LMO7: variants seen among roughly 807,000 people sequenced by gnomAD.
LMO7 encodes the protein LIM domain 7.
A neutral mutation model predicts 206.5 loss-of-function variants in LMO7; 120 were observed. That is an observed-to-expected ratio of 0.58 (90% CI 0.50 to 0.68). The LOEUF (loss-of-function observed/expected upper bound fraction) is 0.68. LMO7 is among the 30% of genes least tolerant of loss of function. The pLI is 0.00. For synonymous variants in LMO7, 706 were observed against 681.5 expected (o/e 1.04, Z -0.56); for missense variants, 1,959 against 1,957.9 (o/e 1.00, Z -0.01).
chr13:75,727,822 G>C (rs1465979080), intron 3 of LMO7, among the ~76,000 whole-genome samples: 2 of 137,292 alleles, frequency 1.5e-5, no homozygotes, highest in African/African-American at 5.5e-5. Flanking sequence ...TCCCCTTCCT[G>C]TGTCCATGTG....
intron 27 of LMO7, among the ~76,000 whole-genome samples, chr13:75,850,127 A>C (rs1433335151): frequency 6.6e-6 from 1 of 152,196 alleles, no homozygotes; most frequent in Non-Finnish European, 1.5e-5. Context: ...ATAAAAAAAG[A>C]AAAAAGACAA....
At chr13:75,851,841 G>T (rs1326930647) in intron 27 of LMO7, among the ~76,000 whole-genome samples, 1 of 152,028 alleles carries the variant, frequency 6.6e-6, no homozygotes, top group Non-Finnish European at 1.5e-5. Flanking sequence ...AGGGATTCAG[G>T]TGCTACATAA....
chr13:75,748,257 A>G (rs931460895), intron 3 of LMO7, among the ~76,000 whole-genome samples: 13 of 152,206 alleles, frequency 8.5e-5, no homozygotes, highest in African/African-American at 2.9e-4. Context: ...GTGTTGTTTT[A>G]AGCAACTTAA....
intron 25 of LMO7, among the ~76,000 whole-genome samples, chr13:75,844,440 C>G (rs138909465): frequency 6.7e-6 from 1 of 148,202 alleles, no homozygotes; most frequent in South Asian, 2.1e-4. Flanking sequence ...GACGTAGTCT[C>G]GCTCTGTCGC....
chr13:75,781,409 A>C (rs1460504665), intron 4 of LMO7, among the ~76,000 whole-genome samples: 2 of 149,956 alleles, frequency 1.3e-5, no homozygotes, highest in Non-Finnish European at 3.0e-5. Context: ...TAGTTTACTG[A>C]GAATGATGAT....
chr13:75,640,104 A>G (rs543374129), intron 1 of LMO7, among the ~76,000 whole-genome samples: 1 of 914 alleles, frequency 1.1e-3, no homozygotes, highest in Admixed American at 0.011. Context: ...ATCAACAGAT[A>G]TTAAGACACT....
intron 6 of LMO7, among the ~76,000 whole-genome samples, chr13:75,797,150 G>A (rs79202344): frequency 0.01 from 1,541 of 152,266 alleles, 26 homozygotes; most frequent in East Asian, 0.068. Context: ...CAATTTCTTT[G>A]TAGTAATATG....
At position 75,859,394 on chromosome 13, in the gene LMO7, T is replaced by C. The variant is rs2061155501; in HGVS notation, c.*1451T>C. ...ACTCTGTGTTTGAATTCATTCTGCATATAATTATTTATAAGTATAGATTGT... is the reference window on the plus strand; with the variant it reads ...ACTCTGTGTTTGAATTCATTCTGCACATAATTATTTATAAGTATAGATTGT... On this transcript the variant is annotated 3_prime_UTR_variant, in exon 31 of 31. Coordinates refer to ENST00000377534, the MANE Select transcript of LMO7 (RefSeq NM_001306080.2). 1 of 152,216 alleles carries C rather than the reference T, an allele frequency of 6.6e-6. No homozygotes were observed. The highest frequency in any genetic ancestry group is 1.5e-5 in the Non-Finnish European group (1 of 68,034). 9.4% of individuals were successfully genotyped at this position (152,216 alleles called of 1,614,324 possible). A position where few individuals can be genotyped will look rare whatever the true frequency, so the allele number is the denominator to read the frequency against.
At chr13:75,782,375 CAATAT>C (rs1214559463) in intron 4 of LMO7, among the ~76,000 whole-genome samples, 2 of 152,280 alleles carry the variant, frequency 1.3e-5, no homozygotes, top group East Asian at 3.9e-4. Context: ...TGAATTATAA[CAATAT>C]AATAAAGGTG....
intron 2 of LMO7, among the ~76,000 whole-genome samples, chr13:75,726,732 G>A (rs1266163215): frequency 2.6e-5 from 4 of 152,210 alleles, no homozygotes; most frequent in Non-Finnish European, 5.9e-5. Flanking sequence ...GAAGCAGAAC[G>A]AAATATTACT....
chr13:75,711,351 T>C (rs998359088), intron 1 of LMO7, among the ~76,000 whole-genome samples: 5 of 152,226 alleles, frequency 3.3e-5, no homozygotes, highest in Non-Finnish European at 4.4e-5. Context: ...TTTCTATTGA[T>C]TAGAATAGTT....
chr13:75,793,757 C>T (rs984878494), intron 4 of LMO7, among the ~76,000 whole-genome samples: 7 of 152,170 alleles, frequency 4.6e-5, no homozygotes, highest in African/African-American at 1.7e-4. Context: ...ACCTGAGTAG[C>T]CAGCTTCCAG....
At chr13:75,801,671 C>T (rs566169038) in intron 7 of LMO7, among the ~76,000 whole-genome samples, 1 of 152,172 alleles carries the variant, frequency 6.6e-6, no homozygotes, top group Non-Finnish European at 1.5e-5. Context: ...TAGATTGAAA[C>T]CACAAGTGAA....
chr13:75,834,044 A>G (rs1057494536), intron 16 of LMO7, among the ~76,000 whole-genome samples, 182 bp from the exon 17 acceptor site: 1 of 152,140 alleles, frequency 6.6e-6, no homozygotes, highest in Non-Finnish European at 1.5e-5. Context: ...TTCAAAAAAC[A>G]CCTCTAATGC....
At position 75,710,129 on chromosome 13, in the gene LMO7, G is replaced by C. The variant is rs577721919; in HGVS notation, c.70-3053G>C. Among the ~76,000 whole-genome samples, 880 of 152,220 alleles carry C rather than the reference G, an allele frequency of 5.8e-3. 7 individuals carry two copies. The highest frequency in any genetic ancestry group is 0.02 in the African/African-American group (814 of 41,516). ...GTTGTAGATATGCGGCATTATTTCT[G>C]AGGGCTCTGTTCTGTTCCATTGGTC... On this transcript the variant is annotated intron_variant, in intron 1 of 30. Coordinates refer to ENST00000377534, the MANE Select transcript of LMO7 (RefSeq NM_001306080.2).
chr13:75,772,323 T>C (rs1281456696), intron 4 of LMO7, among the ~76,000 whole-genome samples: 1 of 152,150 alleles, frequency 6.6e-6, no homozygotes, highest in Non-Finnish European at 1.5e-5. Context: ...GCAGGGATAA[T>C]TCTCCTTTAA....
chr13:75,752,710 T>C (rs1317817256), intron 3 of LMO7, among the ~76,000 whole-genome samples: 1 of 152,238 alleles, frequency 6.6e-6, no homozygotes, highest in African/African-American at 2.4e-5. Context: ...TCTGAGTTGT[T>C]TCGCTTAAGA....
At chr13:75,844,063 CTTTA>C (rs1453124366) in intron 25 of LMO7, among the ~76,000 whole-genome samples, 11 of 152,060 alleles carry the variant, frequency 7.2e-5, no homozygotes, top group Non-Finnish European at 1.0e-4. Flanking sequence ...TTTACAAAAA[CTTTA>C]TTTATATAGC....
intron 15 of LMO7, 111 bp from the exon 16 acceptor site, chr13:75,832,940 T>A (rs1481587445): frequency 1.0e-5 from 6 of 602,250 alleles, no homozygotes; most frequent in South Asian, 7.2e-5. Flanking sequence ...TAGTTTATCA[T>A]GAAATGATTC....
Sources: allele counts gnomAD v4.1 joint callset (sites outside exome capture counted in the v4.1 genomes callset), GRCh38; gene constraint gnomAD v4.1.1; transcripts MANE v1.5; gene names NCBI Gene and HGNC (gene_info 2026-07-23, HGNC 2026-07-21).